The following DRC10 variants were observed in gnomAD, a reference collection of about 807,000 sequenced individuals.
DRC10 encodes the protein IQ domain-containing protein D.
chr12:113,220,425 T>C, the DRC10 span, among the ~76,000 whole-genome samples: 1 of 151,992 alleles, frequency 6.6e-6, no homozygotes, highest in Non-Finnish European at 1.5e-5. Context: ...AGCTAATTTT[T>C]GTATTTTCAG....
the DRC10 span, among the ~76,000 whole-genome samples, chr12:113,210,722 C>A: frequency 6.9e-6 from 1 of 145,532 alleles, no homozygotes; most frequent in Non-Finnish European, 1.5e-5. Context: ...CCTGATTCTT[C>A]TTCATCTCTT....
the DRC10 span, chr12:113,196,025 G>A: frequency 0.068 from 89,445 of 1,321,216 alleles, 3,515 homozygotes; most frequent in East Asian, 0.16. Flanking sequence ...AGCATCTCTC[G>A]GTCCCAGTGA....
the DRC10 span, among the ~76,000 whole-genome samples, chr12:113,204,184 A>T: frequency 6.6e-6 from 1 of 152,234 alleles, no homozygotes; most frequent in Non-Finnish European, 1.5e-5. Flanking sequence ...GCAGTGAGCT[A>T]TGAACGTGCC....
the DRC10 span, chr12:113,207,819 C>T: frequency 2.5e-5 from 41 of 1,614,176 alleles, no homozygotes; most frequent in Non-Finnish European, 3.4e-5. Flanking sequence ...CTTTCTGCTC[C>T]TGCAATTGCC....
chr12:113,208,192 G>C, the DRC10 span: 2 of 1,591,984 alleles, frequency 1.3e-6, no homozygotes, highest in Non-Finnish European at 1.7e-6. Flanking sequence ...CTGTGCCTCT[G>C]TAGGTCCACA....
At chr12:113,212,639 AC>A in the DRC10 span, among the ~76,000 whole-genome samples, 4 of 152,176 alleles carry the variant, frequency 2.6e-5, no homozygotes, top group Non-Finnish European at 5.9e-5. Flanking sequence ...TAAAGGGCAA[AC>A]TTGTTTTCTT....
the DRC10 span, chr12:113,200,592 CT>C: frequency 6.5e-7 from 1 of 1,535,716 alleles, no homozygotes; most frequent in Non-Finnish European, 8.7e-7. Flanking sequence ...TCCTCAGCGC[CT>C]GCTCTGCCTC....
At chr12:113,198,938 AC>A in the DRC10 span, among the ~76,000 whole-genome samples, 1 of 148,968 alleles carries the variant, frequency 6.7e-6, no homozygotes, top group Non-Finnish European at 1.5e-5. Flanking sequence ...AAAAAATGAT[AC>A]TTTTTTTTTT....
the DRC10 span, among the ~76,000 whole-genome samples, chr12:113,216,976 C>G: frequency 6.6e-6 from 1 of 152,164 alleles, no homozygotes; most frequent in Non-Finnish European, 1.5e-5. Context: ...GTAATTCCAG[C>G]TACCTGGTAG....
At chr12:113,204,834 C>T in the DRC10 span, among the ~76,000 whole-genome samples, 2 of 151,962 alleles carry the variant, frequency 1.3e-5, no homozygotes, top group Admixed American at 1.3e-4. Context: ...GAGGCTGAGG[C>T]ACAAGAATCA....
chr12:113,198,501 AAC>A, the DRC10 span, among the ~76,000 whole-genome samples: 1 of 152,210 alleles, frequency 6.6e-6, no homozygotes, highest in Non-Finnish European at 1.5e-5. Context: ...GAACCTTGAA[AAC>A]ACAGTGCTAA....
the DRC10 span, among the ~76,000 whole-genome samples, chr12:113,196,979 C>A: frequency 6.6e-6 from 1 of 152,354 alleles, no homozygotes; most frequent in Admixed American, 6.5e-5. Context: ...CTTAAGGCCA[C>A]ACAGCTGGCA....
chr12:113,197,316 C>T, the DRC10 span, among the ~76,000 whole-genome samples: 53 of 151,508 alleles, frequency 3.5e-4, no homozygotes, highest in Non-Finnish European at 6.9e-4. Flanking sequence ...GGATTACAGG[C>T]ATGAGCCACA....
At chr12:113,205,615 C>A in the DRC10 span, among the ~76,000 whole-genome samples, 1 of 152,102 alleles carries the variant, frequency 6.6e-6, no homozygotes, top group Non-Finnish European at 1.5e-5. Flanking sequence ...TCAGGCCGGG[C>A]GCGGTGGCTC....
chr12:113,208,431 C>T, the DRC10 span: 1 of 1,148,642 alleles, frequency 8.7e-7, no homozygotes. Flanking sequence ...GTTAGGGCCA[C>T]AAGGGCAGGA....
At chr12:113,209,333 A>C in the DRC10 span, among the ~76,000 whole-genome samples, 1 of 152,240 alleles carries the variant, frequency 6.6e-6, no homozygotes, top group African/African-American at 2.4e-5. Flanking sequence ...TGGAAAAAGG[A>C]CATTAGTGGA....
At chr12:113,195,516 G>T in the DRC10 span, 2 of 1,503,252 alleles carry the variant, frequency 1.3e-6, no homozygotes, top group South Asian at 2.7e-5. Context: ...TCTCCATCTC[G>T]GGCCTTCCTG....
chr12:113,197,610 C>T, the DRC10 span: 2 of 1,523,244 alleles, frequency 1.3e-6, no homozygotes, highest in Non-Finnish European at 8.8e-7. Flanking sequence ...CTTTATATTT[C>T]TTCTAGAAAA....
At chr12:113,213,188 A>AC in the DRC10 span, among the ~76,000 whole-genome samples, 6 of 150,562 alleles carry the variant, frequency 4.0e-5, no homozygotes, top group Non-Finnish European at 8.9e-5. Flanking sequence ...AAAAAAAAAA[A>AC]AAAAAAAAAA....
Sources: gnomAD v4.1 joint callset for allele counts (sites outside exome capture counted in the v4.1 genomes callset) on GRCh38, gnomAD v4.1.1 for gene constraint, MANE v1.5 for transcripts, NCBI Gene and HGNC (gene_info 2026-07-23, HGNC 2026-07-21) for gene names.